Variants in POLR1B observed in about 807,000 individuals in gnomAD.
POLR1B encodes the protein DNA-directed RNA polymerase I subunit RPA2.
POLR1B carries 30 observed loss-of-function variants against 105.8 expected under a neutral mutation model. That is an observed-to-expected ratio of 0.28 (90% CI 0.21 to 0.38). POLR1B has a LOEUF of 0.38. POLR1B is among the 10% of genes least tolerant of loss of function. The pLI is 1.00. For synonymous variants in POLR1B, 485 were observed against 505.1 expected (o/e 0.96, Z 0.53); for missense variants, 976 against 1,435.8 (o/e 0.68, Z 5.17).
Position 112,575,719 on chromosome 2 carries a change from A to G in POLR1B, c.3398A>G (p.Asp1133Gly), listed in dbSNP as rs143416674. The G allele has an allele frequency of 6.1e-4, 988 of 1,609,036 alleles. 1 individual carries two copies. Among genetic ancestry groups the G allele is most frequent in the Non-Finnish European group, 7.8e-4 (922 of 1,177,210 alleles). ...GCTATGAACATCAAAGTGAAACTGG[A>G]TGTTGTTTAACTTGATGTTGACCTT... ...LAAMNIKVKL[D>G]VV is the part of the protein sequence containing the mutation. Residue 1133 changes from aspartate to glycine, a missense_variant, in exon 15 of 15, where the codon GAT (aspartate) becomes GGT (glycine). This residue lies in a region of POLR1B where 77 missense variants were observed against 104.5 expected (regional missense o/e 0.74). Coordinates refer to ENST00000263331, the MANE Select transcript of POLR1B (RefSeq NM_019014.6). The surrounding 1 kb of genome is among the most constrained non-coding windows in gnomAD (Gnocchi z 5.3).
At chr2:112,546,920 C>G (rs913829957) in intron 1 of POLR1B, 92 bp from the exon 2 acceptor site, 2 of 1,367,942 alleles carry the variant, frequency 1.5e-6, no homozygotes, top group African/African-American at 2.9e-5. Context: ...TCACAGGCAT[C>G]AATGTTTGTA....
At position 112,576,625 on chromosome 2, in the gene POLR1B, T is replaced by G. The variant is rs1427970617; in HGVS notation, c.*896T>G. On this transcript the variant is annotated 3_prime_UTR_variant, in exon 15 of 15. Transcript: ENST00000263331. ...AATATTTGTCCTGTGACTGGCTTAT[T>G]TCACTTAGCATAGTGAAATAAGATT... 6.6e-6 allele frequency: 1 copy of G among 152,222 alleles called. No homozygotes were observed. Among genetic ancestry groups the G allele is most frequent in the Non-Finnish European group, 1.5e-5 (1 of 68,042 alleles). The allele number at this position is 152,222 out of a possible 1,614,324, so 9.4% of individuals were successfully genotyped here.
chr2:112,578,803 C>T lies in POLR1B; in HGVS notation c.*3074C>T, dbSNP rs1684975805. 6.6e-6 allele frequency among the ~76,000 whole-genome samples: 1 copy of T among 152,152 alleles called. No homozygotes were observed. The highest frequency in any genetic ancestry group is 6.5e-5 in the Admixed American group (1 of 15,272). ...CATACCTTTGATGTTTAATTAAGCA[C>T]TGCAAGAAACTGACAGCAATAAATA... On this transcript the variant is annotated 3_prime_UTR_variant, in exon 15 of 15. Coordinates refer to ENST00000263331, the MANE Select transcript of POLR1B (RefSeq NM_019014.6).
intron 5 of POLR1B, 138 bp downstream of exon 5, chr2:112,551,140 T>G: frequency 1.1e-6 from 1 of 901,222 alleles, no homozygotes; most frequent in Non-Finnish European, 1.7e-6. Flanking sequence ...ACGTCAAAAT[T>G]CAATAGCTTA....
intron 9 of POLR1B, among the ~76,000 whole-genome samples, chr2:112,563,200 G>A (rs1198820584): frequency 6.6e-6 from 1 of 151,500 alleles, no homozygotes; most frequent in Non-Finnish European, 1.5e-5. Flanking sequence ...GACTACAGGC[G>A]CCCGCCACCA....
rs1337819651 is a variant in POLR1B, at chr2:112,573,806, T to C, written c.2516T>C (p.Met839Thr). ...CTCAACACCGGGGAAAGTTTTGTGA[T>C]GTACTATAAGTAAGTTTGGGTATCC... ...LNLNTGESFV[M>T]YYKSKENCVV... is the part of the protein sequence containing the mutation. Residue 839 changes from methionine to threonine, a missense_variant, in exon 14 of 15, where the codon ATG becomes ACG. This residue lies in a region of POLR1B where 119 missense variants were observed against 149.7 expected (regional missense o/e 0.79). Transcript: ENST00000263331. 1 of 1,613,358 alleles carries C rather than the reference T, an allele frequency of 6.2e-7. No individual in the cohort carries two copies. The highest frequency in any genetic ancestry group is 8.5e-7 in the Non-Finnish European group (1 of 1,179,498).
intron 1 of POLR1B, among the ~76,000 whole-genome samples, chr2:112,546,508 A>G (rs1171370080): frequency 7.3e-6 from 1 of 137,312 alleles, no homozygotes; most frequent in Non-Finnish European, 1.5e-5. Flanking sequence ...TTGTGGTTTT[A>G]AGTATTTAGT....
At chr2:112,556,020 A>G (rs1467506953) in intron 7 of POLR1B, among the ~76,000 whole-genome samples, 1 of 152,212 alleles carries the variant, frequency 6.6e-6, no homozygotes, top group African/African-American at 2.4e-5. Context: ...GGAAGTAGAC[A>G]TAGTTATGAA....
At chr2:112,565,719 C>T (rs559194762) in intron 10 of POLR1B, among the ~76,000 whole-genome samples, 3 of 152,138 alleles carry the variant, frequency 2.0e-5, no homozygotes, top group East Asian at 1.9e-4. Context: ...CCACTGTGCC[C>T]GGCTACCCTG....
chr2:112,555,963 A>G (rs1326309402), intron 7 of POLR1B, among the ~76,000 whole-genome samples: 1 of 152,252 alleles, frequency 6.6e-6, no homozygotes, highest in African/African-American at 2.4e-5. Context: ...GATTAACCAT[A>G]AAACACTTCA....
rs1558655710 is a variant in POLR1B, at chr2:112,552,040, G to T, written c.986+42G>T. ...TAAACTGTTTTTGGAGGGGCGGAGG[G>T]CTGTCAGTGGTTCTTTGTATTGGTT... On this transcript the variant is annotated intron_variant, in intron 6 of 14. Transcript: ENST00000263331. The T allele has an allele frequency of 2.6e-6, 4 of 1,511,014 alleles. No homozygotes were observed. The Admixed American group carries it at 6.9e-5, about 26-fold the overall frequency. 93.6% of individuals were successfully genotyped at this position (1,511,014 alleles called of 1,614,324 possible). A position where few individuals can be genotyped will look rare whatever the true frequency, so the allele number is the denominator to read the frequency against.
chr2:112,563,680 T>C (rs1684127429), intron 9 of POLR1B, among the ~76,000 whole-genome samples: 1 of 152,078 alleles, frequency 6.6e-6, no homozygotes, highest in Non-Finnish European at 1.5e-5. Context: ...AGAGGATTGC[T>C]TGAGCCCAGG....
At chr2:112,568,246 A>C in intron 11 of POLR1B, 109 bp downstream of exon 11, 1 of 1,127,490 alleles carries the variant, frequency 8.9e-7, no homozygotes, top group Non-Finnish European at 1.3e-6. Flanking sequence ...TTACAACAAC[A>C]GTTGGACATT....
chr2:112,571,574 C>G (rs1684590362), intron 12 of POLR1B, among the ~76,000 whole-genome samples: 1 of 152,166 alleles, frequency 6.6e-6, no homozygotes, highest in Non-Finnish European at 1.5e-5. Context: ...CTTAGGTGGG[C>G]TGCTGTGATC....
At chr2:112,568,278 A>G (rs1684408540) in intron 11 of POLR1B, 141 bp downstream of exon 11, 1 of 830,116 alleles carries the variant, frequency 1.2e-6, no homozygotes, top group Non-Finnish European at 1.9e-6. Flanking sequence ...CAGACTTTCC[A>G]CCTCCTCTAT....
At position 112,542,817 on chromosome 2, in the gene POLR1B, A is replaced by C. The variant is rs4849072; in HGVS notation, c.177+146A>C. On this transcript the variant is annotated intron_variant, in intron 1 of 14. Coordinates refer to ENST00000263331, the MANE Select transcript of POLR1B (RefSeq NM_019014.6). ...AGCGGGAGAGCACAACATGTTAAAC[A>C]GGACGCGGTACTGGCCTTCGTGAGA... The C allele has an allele frequency of 0.56, 567,474 of 1,005,258 alleles. 163,249 individuals carry two copies. The highest frequency in any genetic ancestry group is 0.64 in the Middle Eastern group (1,995 of 3,108). The allele number at this position is 1,005,258 out of a possible 1,614,324, so 62.3% of individuals were successfully genotyped here. A position where few individuals can be genotyped will look rare whatever the true frequency, so the allele number is the denominator to read the frequency against.
At chr2:112,552,548 G>C (rs527282648) in intron 6 of POLR1B, 97 bp from the exon 7 acceptor site, 1 of 1,251,352 alleles carries the variant, frequency 8.0e-7, no homozygotes, top group Non-Finnish European at 1.1e-6. Flanking sequence ...TTTAATTAAA[G>C]TTAAGTAAGC....
At position 112,551,916 on chromosome 2, in the gene POLR1B, A is replaced by G. The variant is rs750420661; in HGVS notation, c.904A>G (p.Asn302Asp). The G allele has an allele frequency of 5.0e-6, 8 of 1,614,086 alleles. No homozygotes were observed. In the South Asian group the frequency reaches 7.7e-5, roughly 16 times the overall value. ...TTGTTCGACACAAAAACAGGTCCTTAACTACCTAGGTGAATGCTTCAGAGT... is the reference window on the plus strand; with the variant it reads ...TTGTTCGACACAAAAACAGGTCCTTGACTACCTAGGTGAATGCTTCAGAGT... The part of the protein sequence containing the change: ...EGCSTQKQVL[N>D]YLGECFRVKL... The change falls in exon 6 of 15, where the codon AAC (asparagine) becomes GAC (aspartate). Residue 302 changes from asparagine to aspartate, a missense_variant. Coordinates refer to ENST00000263331, the MANE Select transcript of POLR1B (RefSeq NM_019014.6).
intron 6 of POLR1B, 81 bp downstream of exon 6, chr2:112,552,079 G>A (rs967104228): frequency 1.5e-4 from 173 of 1,134,882 alleles, no homozygotes; most frequent in Non-Finnish European, 2.1e-4. Flanking sequence ...GTTTGGGCGG[G>A]CGAGTCATTT....
Sources: gnomAD v4.1 joint callset for allele counts (sites outside exome capture counted in the v4.1 genomes callset) on GRCh38, gnomAD v4.1.1 for gene constraint, gnomAD v4.1.1 regional missense constraint, Gnocchi (gnomAD v3.1) non-coding constraint, MANE v1.5 for transcripts, NCBI Gene and HGNC (gene_info 2026-07-23, HGNC 2026-07-21) for gene names.